NUP62CL: variants seen among roughly 807,000 people sequenced by gnomAD.
NUP62CL encodes nucleoporin-62 C-terminal-like protein.
NUP62CL carries 13 observed loss-of-function variants against 15.3 expected under a neutral mutation model. The ratio of observed to expected loss-of-function variants is 0.85; its 90% CI spans 0.55 to 1.35. The LOEUF is 1.35. Ranked by LOEUF, NUP62CL falls within the 40% of genes most tolerant of loss-of-function variation. The pLI, the probability that NUP62CL is intolerant of heterozygous loss-of-function variation, is 0.00. For missense variants in NUP62CL, 123 were observed against 130.6 expected, an observed-to-expected ratio of 0.94 and a Z score of 0.28; for synonymous variants, 54 against 49.2, an observed-to-expected ratio of 1.10 and a Z score of -0.41.
intron 3 of NUP62CL, among the ~76,000 whole-genome samples, chrX:107,170,413 C>CTTT (rs35571930): frequency 3.2e-5 from 3 of 94,658 alleles, no homozygotes; most frequent in Admixed American, 1.2e-4. Flanking sequence ...ATTATTTTAA[C>CTTT]TTTTTTTTTT....
chrX:107,156,168 G>A (rs1480690415), intron 4 of NUP62CL, among the ~76,000 whole-genome samples: 1 of 111,777 alleles, frequency 8.9e-6, no homozygotes, highest in Non-Finnish European at 1.9e-5. Flanking sequence ...ACAGCAGTCT[G>A]AGATCAAACT....
At chrX:107,147,913 G>C (rs1925918433) in intron 7 of NUP62CL, 104 bp from the exon 8 acceptor site, 1 of 596,024 alleles carries the variant, frequency 1.7e-6, no homozygotes, top group African/African-American at 2.3e-5. Context: ...ATTTCTTCTG[G>C]TAAGAAATGG....
intron 3 of NUP62CL, among the ~76,000 whole-genome samples, chrX:107,174,037 TTCTC>T (rs747292732): frequency 4.1e-5 from 4 of 98,022 alleles, no homozygotes; most frequent in African/African-American, 1.2e-4. Context: ...TTTTCTTTCT[TTCTC>T]TCTCTCTCTC....
chrX:107,153,680 C>T (rs747245132), intron 5 of NUP62CL, among the ~76,000 whole-genome samples, 177 bp from the exon 6 acceptor site: 11 of 112,271 alleles, frequency 9.8e-5, no homozygotes, highest in Admixed American at 5.6e-4. Context: ...AGAAAATTAA[C>T]CACAGGGCTG....
At chrX:107,190,773 G>A (rs374440158) in intron 2 of NUP62CL, among the ~76,000 whole-genome samples, 3 of 110,600 alleles carry the variant, frequency 2.7e-5, no homozygotes, top group African/African-American at 9.9e-5. Context: ...GCAGGAATAA[G>A]GGGTAATTCT....
intron 3 of NUP62CL, among the ~76,000 whole-genome samples, chrX:107,169,128 T>A (rs1449977885): frequency 9.0e-6 from 1 of 111,532 alleles, no homozygotes; most frequent in Non-Finnish European, 1.9e-5. Context: ...AAAATCTGAC[T>A]CTAGGCAGAT....
intron 8 of NUP62CL, among the ~76,000 whole-genome samples, chrX:107,124,925 T>G (rs1021138305): frequency 2.7e-5 from 3 of 112,037 alleles, no homozygotes; most frequent in African/African-American, 9.7e-5. Flanking sequence ...CTTTTAGTGT[T>G]CATTAATGGT....
chrX:107,184,276 C>T (rs909034430), intron 2 of NUP62CL, among the ~76,000 whole-genome samples: 1 of 75,838 alleles, frequency 1.3e-5, no homozygotes, highest in Admixed American at 1.6e-4. Flanking sequence ...TGAAAAAACC[C>T]GCCTCAGCAC....
intron 2 of NUP62CL, among the ~76,000 whole-genome samples, chrX:107,189,613 AAATAAT>A: frequency 1.0e-5 from 1 of 99,876 alleles, no homozygotes; most frequent in East Asian, 3.2e-4. Flanking sequence ...CCGTCCCTAC[AAATAAT>A]AATAATAATA....
intron 2 of NUP62CL, among the ~76,000 whole-genome samples, chrX:107,189,613 A>AAAT (rs112376938): frequency 6.5e-4 from 65 of 99,869 alleles, no homozygotes; most frequent in Admixed American, 2.0e-3. Flanking sequence ...CCGTCCCTAC[A>AAAT]AATAATAATA....
In NUP62CL at chrX:107,184,083, T is replaced by C. The variant is rs1180191178; in HGVS notation, c.-47-8890A>G. ...CATTCTGCAGTAAAAAGGCAGCACC[T>C]CCCCCCCCTCCACCAGAACAATGTC... On this transcript the variant is annotated intron_variant, in intron 2 of 8. Coordinates refer to ENST00000372466, the MANE Select transcript of NUP62CL (RefSeq NM_017681.3). Among the ~76,000 whole-genome samples, 204 of 102,307 alleles carry C rather than the reference T, an allele frequency of 2.0e-3. 2 individuals carry two copies. The highest frequency in any genetic ancestry group is 6.8e-3 in the African/African-American group (190 of 28,045). 88.8% of individuals were successfully genotyped at this position (102,307 alleles called of 115,157 possible).
At chrX:107,184,296 GAAGAAAGAAAGAA>G (rs1478374474) in intron 2 of NUP62CL, among the ~76,000 whole-genome samples, 1 of 65,062 alleles carries the variant, frequency 1.5e-5, no homozygotes, top group East Asian at 5.9e-4. Flanking sequence ...CAAAAAAAGA[GAAGAAAGAAAGAA>G]AGAAAGAAAG....
At chrX:107,141,519 G>A (rs1925766027) in intron 8 of NUP62CL, among the ~76,000 whole-genome samples, 1 of 111,833 alleles carries the variant, frequency 8.9e-6, no homozygotes, top group Admixed American at 9.5e-5. Context: ...TTTTCAAGTA[G>A]GTGAAGTGGA....
chrX:107,149,541 CA>C (rs11290653), intron 7 of NUP62CL, among the ~76,000 whole-genome samples: 40,755 of 110,466 alleles, frequency 0.37, 8,128 homozygotes, highest in African/African-American at 0.77. Flanking sequence ...TGACATTTTG[CA>C]AAAAGAAGGA....
intron 7 of NUP62CL, among the ~76,000 whole-genome samples, chrX:107,149,097 C>T (rs1326034407): frequency 9.0e-6 from 1 of 111,467 alleles, no homozygotes; most frequent in Admixed American, 9.6e-5. Flanking sequence ...CAAAAAGACT[C>T]AAACCATTTA....
At chrX:107,156,470 C>T (rs1454676129) in intron 4 of NUP62CL, among the ~76,000 whole-genome samples, 1 of 106,633 alleles carries the variant, frequency 9.4e-6, no homozygotes, top group African/African-American at 3.4e-5. Flanking sequence ...GGGTCCCTGA[C>T]CCCTGATCCC....
chrX:107,194,807 CTCTCTTTTT>C (rs1426805506), intron 1 of NUP62CL, among the ~76,000 whole-genome samples: 138 of 90,843 alleles, frequency 1.5e-3, no homozygotes, highest in South Asian at 7.4e-3. Context: ...TCTTTTCTTT[CTCTCTTTTT>C]TTTTTTTTTT....
In NUP62CL at chrX:107,189,787, TGAAA is replaced by T. The variant is rs760761844; in HGVS notation, c.-48+3238_-48+3241del. ...GAGAGAGAGCGAGACCCTGTCTCAATGAAAGAAAGAAAGAGAGAGAGAGAAAGAA... is the reference window on the plus strand; with the variant it reads ...GAGAGAGAGCGAGACCCTGTCTCAATGAAAGAAAGAGAGAGAGAGAAAGAA... On this transcript the variant is annotated intron_variant, in intron 2 of 8. Transcript: ENST00000372466. Among the ~76,000 whole-genome samples the T allele has an allele frequency of 2.2e-3, 164 of 74,966 alleles. 1 individual carries two copies. Among genetic ancestry groups the T allele is most frequent in the Non-Finnish European group, 3.7e-3 (147 of 39,599 alleles). The allele number at this position is 74,966 out of a possible 115,157, so 65.1% of individuals were successfully genotyped here.
rs2147796648 is a variant in NUP62CL, at chrX:107,147,740, C to T, written c.*42+3G>A. On this transcript the variant is annotated splice_donor_region_variant and intron_variant, in intron 8 of 8. Coordinates refer to ENST00000372466, the MANE Select transcript of NUP62CL (RefSeq NM_017681.3). ...ACAGAGTGGCATACAAGCAAACTCC[C>T]ACCTGAATTCCGATCAATCCACTGC... 8.9e-7 allele frequency: 1 copy of T among 1,126,403 alleles called. No homozygotes were observed. 92.8% of individuals were successfully genotyped at this position (1,126,403 alleles called of 1,213,427 possible).
Sources: gnomAD v4.1 joint callset for allele counts (sites outside exome capture counted in the v4.1 genomes callset) on GRCh38, gnomAD v4.1.1 for gene constraint, MANE v1.5 for transcripts, NCBI Gene and HGNC (gene_info 2026-07-23, HGNC 2026-07-21) for gene names.